Variants in EMILIN2 observed in about 807,000 individuals in gnomAD.
EMILIN2 encodes EMILIN-2.
Under a neutral mutation model 87.1 loss-of-function variants are expected in EMILIN2, and 71 were observed. The observed-to-expected ratio is 0.82, with a 90% CI of 0.67 to 0.99. EMILIN2 has a LOEUF of 0.99. Among genes scored for constraint, EMILIN2 ranks in the 50% least tolerant of loss-of-function variants. The pLI, the probability that EMILIN2 is intolerant of heterozygous loss-of-function variation, is 0.00. For missense variants in EMILIN2, 1,407 were observed against 1,371.8 expected (o/e 1.03, Z -0.40); for synonymous variants, 581 against 563.4 (o/e 1.03, Z -0.44).
chr18:2,894,167 T>G lies in EMILIN2; in HGVS notation c.2359+1681T>G, dbSNP rs2076852588. On this transcript the variant is annotated intron_variant, in intron 4 of 7. Coordinates refer to ENST00000254528, the MANE Select transcript of EMILIN2 (RefSeq NM_032048.3). This position sits in a 1 kb window ranked among gnomAD's most constrained non-coding sequence, Gnocchi z 5.0. ...ATGAGACATAAAACCCAAGGCAGCG[T>G]AGGCTAGAACGTGGGAAGCAGGCGA... Among the ~76,000 whole-genome samples the G allele has an allele frequency of 1.3e-5, 2 of 152,062 alleles. No homozygotes were observed. The highest frequency in any genetic ancestry group is 4.8e-5 in the African/African-American group (2 of 41,412).
chr18:2,877,763 C>T (rs1356143777), intron 2 of EMILIN2, among the ~76,000 whole-genome samples: 2 of 148,260 alleles, frequency 1.3e-5, no homozygotes, highest in African/African-American at 5.0e-5. Flanking sequence ...GGGTGACAGA[C>T]TGACATTCCA....
intron 2 of EMILIN2, among the ~76,000 whole-genome samples, chr18:2,860,182 G>A (rs1322130604): frequency 1.3e-5 from 2 of 152,094 alleles, no homozygotes; most frequent in Non-Finnish European, 2.9e-5. Context: ...TCACAATACT[G>A]ATTCTACCCA....
intron 2 of EMILIN2, among the ~76,000 whole-genome samples, chr18:2,867,564 G>T (rs1039154105): frequency 1.3e-5 from 2 of 152,158 alleles, no homozygotes; most frequent in Non-Finnish European, 1.5e-5. Context: ...CAACGAGCAT[G>T]CTGCCTTCAA....
chr18:2,867,939 G>A (rs867732489), intron 2 of EMILIN2, among the ~76,000 whole-genome samples: 2,658 of 151,512 alleles, frequency 0.018, 44 homozygotes, highest in African/African-American at 0.06. Context: ...GGGCAGAGGC[G>A]CCCCTCACCT....
chr18:2,900,662 A>G (rs968387958), intron 4 of EMILIN2, among the ~76,000 whole-genome samples: 4 of 95,948 alleles, frequency 4.2e-5, no homozygotes, highest in African/African-American at 6.7e-5. Context: ...CCCTTTATCT[A>G]AGCTCACCCC....
At chr18:2,872,851 G>A (rs373253647) in intron 2 of EMILIN2, among the ~76,000 whole-genome samples, 20 of 152,144 alleles carry the variant, frequency 1.3e-4, no homozygotes, top group African/African-American at 4.8e-4. Flanking sequence ...AATATTAATT[G>A]TGTGGCTTCT....
Position 2,906,776 on chromosome 18 carries a change from C to G in EMILIN2, c.2360-7C>G, listed in dbSNP as rs2076914792. On this transcript the variant is annotated splice_polypyrimidine_tract_variant and splice_region_variant and intron_variant, in intron 4 of 7. Transcript: ENST00000254528. ...CCGTGTGTTTCTTTCTCCCCGACGC[C>G]CGGCAGAGGCGCCCTCGCCCCCGCC... 1 of 1,259,382 alleles carries G rather than the reference C, an allele frequency of 7.9e-7. No individual in the cohort carries two copies. Among genetic ancestry groups the G allele is most frequent in the African/African-American group, 1.6e-5 (1 of 62,888 alleles). The allele number at this position is 1,259,382 out of a possible 1,614,324, so 78.0% of individuals were successfully genotyped here.
At chr18:2,860,143 G>A (rs2076653093) in intron 2 of EMILIN2, among the ~76,000 whole-genome samples, 2 of 152,080 alleles carry the variant, frequency 1.3e-5, no homozygotes, top group South Asian at 4.2e-4. Flanking sequence ...CATTGAATTT[G>A]TAGATTGCTC....
Position 2,852,523 on chromosome 18 carries a change from G to A in EMILIN2, c.257+4592G>A, listed in dbSNP as rs9951537. ...TGTGTAAGTAATTGTGCAAAAATTC[G>A]TTTTTTCTTTTTTGAGACAGGGTCT... On this transcript the variant is annotated intron_variant, in intron 2 of 7. Coordinates refer to ENST00000254528, the MANE Select transcript of EMILIN2 (RefSeq NM_032048.3). 7.8e-3 allele frequency among the ~76,000 whole-genome samples: 1,188 copies of A among 152,232 alleles called. 13 individuals are homozygous for A. Among genetic ancestry groups the A allele is most frequent in the African/African-American group, 0.025 (1,035 of 41,562 alleles).
upstream of EMILIN2, chr18:2,846,801 A>G: frequency 1.0e-6 from 1 of 985,380 alleles, no homozygotes; most frequent in Non-Finnish European, 1.2e-6. This position sits in a 1 kb window ranked among gnomAD's most constrained non-coding sequence, Gnocchi z 5.3. Context: ...AGTCATTGGA[A>G]ATGCTGTAAC....
chr18:2,913,163 A>G lies in EMILIN2; in HGVS notation c.2921A>G (p.Asn974Ser), dbSNP rs1234989866. Residue 974 changes from asparagine to serine, a missense_variant, in exon 8 of 8, where the codon AAC (asparagine) becomes AGC (serine). Transcript: ENST00000254528. ...GTGGAAGCAGTGCTGTCGGTCTCCA[A>G]CGCCAGCGTGGCCCAGCTGCATACC... is the stretch of plus-strand genomic sequence containing the variant. ...AYVEAVLSVS[N>S]ASVAQLHTAG... The G allele has an allele frequency of 1.9e-6, 3 of 1,613,784 alleles. No individual in the cohort carries two copies. Among genetic ancestry groups the G allele is most frequent in the Non-Finnish European group, 1.7e-6 (2 of 1,180,030 alleles).
chr18:2,882,166 G>A (rs183331661), intron 2 of EMILIN2, among the ~76,000 whole-genome samples: 2 of 152,364 alleles, frequency 1.3e-5, no homozygotes, highest in Admixed American at 6.5e-5. Context: ...AAAATGTATA[G>A]TAGGGCCTTG....
intron 2 of EMILIN2, among the ~76,000 whole-genome samples, chr18:2,884,752 A>C (rs2076794824): frequency 6.6e-6 from 1 of 152,114 alleles, no homozygotes; most frequent in Admixed American, 6.5e-5. Context: ...GGGCAGGTGG[A>C]GGATTGGGGA....
In EMILIN2 at chr18:2,880,779, C is replaced by T. The variant is rs546935759; in HGVS notation, c.258-4185C>T. 6.6e-6 allele frequency among the ~76,000 whole-genome samples: 1 copy of T among 152,308 alleles called. No individual in the cohort carries two copies. Among genetic ancestry groups the T allele is most frequent in the East Asian group, 1.9e-4 (1 of 5,178 alleles). Reference sequence around the variant, plus strand: ...GGCCGCCTGTCTCTGTTTCATGTCCCCTGCCTGGTCCTCTTAGGAGGGTGG... The same window carrying T: ...GGCCGCCTGTCTCTGTTTCATGTCCTCTGCCTGGTCCTCTTAGGAGGGTGG... On this transcript the variant is annotated intron_variant, in intron 2 of 7. Coordinates refer to ENST00000254528, the MANE Select transcript of EMILIN2 (RefSeq NM_032048.3). This position sits in a 1 kb window ranked among gnomAD's most constrained non-coding sequence, Gnocchi z 4.1.
Position 2,884,950 on chromosome 18 carries a change from C to T in EMILIN2, c.258-14C>T, listed in dbSNP as rs1162579776. 15 of 1,566,246 alleles carry T rather than the reference C, an allele frequency of 9.6e-6. No individual in the cohort carries two copies. Among genetic ancestry groups the T allele is most frequent in the African/African-American group, 2.7e-5 (2 of 73,196 alleles). The stretch of plus-strand genomic sequence containing the variant: ...GCAGCCAGTAAAGAGAGATGCCATC[C>T]CTTCTGTCCACAGGTATCGAGTGAA... On this transcript the variant is annotated splice_polypyrimidine_tract_variant and intron_variant, in intron 2 of 7. Coordinates refer to ENST00000254528, the MANE Select transcript of EMILIN2 (RefSeq NM_032048.3).
chr18:2,858,579 G>GTATATATATATATATATATATATA (rs1173565497), intron 2 of EMILIN2, among the ~76,000 whole-genome samples: 2 of 62,418 alleles, frequency 3.2e-5, no homozygotes, highest in Non-Finnish European at 5.3e-5. Flanking sequence ...ATGTGTGTGT[G>GTATATATATATATATATATATATA]TGTGTATATA....
intron 4 of EMILIN2, among the ~76,000 whole-genome samples, chr18:2,893,391 G>A (rs1362777771): frequency 2.0e-5 from 3 of 146,518 alleles, no homozygotes; most frequent in African/African-American, 7.6e-5. Flanking sequence ...ACAGGACCGT[G>A]GATGAGAGCA....
At chr18:2,901,732 G>A (rs757498184) in intron 4 of EMILIN2, among the ~76,000 whole-genome samples, 3 of 152,218 alleles carry the variant, frequency 2.0e-5, no homozygotes, top group Non-Finnish European at 4.4e-5. Context: ...GAAAGCAGTC[G>A]GCTGCTGGAG....
At chr18:2,875,934 C>T (rs922485319) in intron 2 of EMILIN2, among the ~76,000 whole-genome samples, 3 of 151,400 alleles carry the variant, frequency 2.0e-5, no homozygotes, top group Admixed American at 1.3e-4. Flanking sequence ...ATTCATTACC[C>T]TATATGATCA....
Sources: allele counts gnomAD v4.1 joint callset (sites outside exome capture counted in the v4.1 genomes callset), GRCh38; gene constraint gnomAD v4.1.1; non-coding constraint Gnocchi (gnomAD v3.1); transcripts MANE v1.5; gene names NCBI Gene and HGNC (gene_info 2026-07-23, HGNC 2026-07-21).